INPP5D: variants seen among roughly 807,000 people sequenced by gnomAD.
The protein encoded by INPP5D is phosphatidylinositol 3,4,5-trisphosphate 5-phosphatase 1.
In INPP5D, 33 loss-of-function variants were observed where a neutral mutation model predicts 122.9. The ratio of observed to expected loss-of-function variants is 0.27; its 90% CI spans 0.20 to 0.36. INPP5D has a LOEUF of 0.36. Among genes scored for constraint, INPP5D ranks in the 10% least tolerant of loss-of-function variants. INPP5D has a pLI of 1.00. For synonymous variants in INPP5D, 584 were observed against 576.2 expected (o/e 1.01, Z -0.19); for missense variants, 1,053 against 1,412.7 (o/e 0.75, Z 4.08).
chr2:233,194,082 C>T (rs775761570), intron 23 of INPP5D, 121 bp downstream of exon 23: 653 of 1,404,322 alleles, frequency 4.6e-4, no homozygotes, highest in Non-Finnish European at 5.6e-4. Flanking sequence ...AGAAATCCAG[C>T]ACTGGAAAAG....
intron 22 of INPP5D, among the ~76,000 whole-genome samples, chr2:233,193,367 A>G (rs928097516): frequency 1.3e-5 from 2 of 152,150 alleles, no homozygotes; most frequent in Non-Finnish European, 2.9e-5. Context: ...TTATCTGTTC[A>G]TGCATCTGCT....
In INPP5D at chr2:233,198,315, C is replaced by T; in HGVS notation, c.2914C>T (p.Pro972Ser). 1.2e-6 allele frequency: 2 copies of T among 1,613,704 alleles called. No homozygotes were observed. Among genetic ancestry groups the T allele is most frequent in the Non-Finnish European group, 1.7e-6 (2 of 1,179,896 alleles). ...ACCTCCCGGCCAGCCGCCCATATCA[C>T]CCAAGAAGTTTTTACCCTCAACAGC... ...PTPPGQPPIS[P>S]KKFLPSTANR... The change falls in exon 25 of 27, where the codon CCC (proline) becomes TCC (serine). Residue 972 changes from proline to serine, a missense_variant. Physicochemically the swap from Pro to Ser is moderately conservative, Grantham distance 74 (BLOSUM62 -1). Around this residue, in one of 6 missense-constraint regions of INPP5D, gnomAD observed 417 missense variants for 425.8 expected, o/e 0.98. Coordinates refer to ENST00000445964, the MANE Select transcript of INPP5D (RefSeq NM_001017915.3).
At chr2:233,121,158 G>T (rs1692962888) in intron 2 of INPP5D, among the ~76,000 whole-genome samples, 1 of 136,244 alleles carries the variant, frequency 7.3e-6, no homozygotes, top group Admixed American at 8.0e-5. Context: ...TTGAGACAGG[G>T]TCTCACTCTG....
rs929603474 is a variant in INPP5D, at chr2:233,175,462, C to T, written c.1990-1803C>T. 6.6e-5 allele frequency among the ~76,000 whole-genome samples: 10 copies of T among 152,092 alleles called. No homozygotes were observed. In the South Asian group the frequency reaches 2.1e-3, roughly 32 times the overall value. On this transcript the variant is annotated intron_variant, in intron 17 of 26. Coordinates refer to ENST00000445964, the MANE Select transcript of INPP5D (RefSeq NM_001017915.3). ...AGATGTTAGTCACACTAATGCTCAC[C>T]TTTAGGAGGCTCTGGTATTGACAAG... is the stretch of plus-strand genomic sequence containing the variant.
chr2:233,150,547 C>T (rs1296289429), intron 9 of INPP5D, among the ~76,000 whole-genome samples: 3 of 152,052 alleles, frequency 2.0e-5, no homozygotes, highest in East Asian at 3.9e-4. Context: ...GAGATGGAAA[C>T]GTTAAGATGA....
chr2:233,107,882 G>A (rs1407691560), intron 2 of INPP5D, among the ~76,000 whole-genome samples: 1 of 152,106 alleles, frequency 6.6e-6, no homozygotes, highest in Non-Finnish European at 1.5e-5. Flanking sequence ...CTTCCCCAGC[G>A]CTGCCACGGC....
chr2:233,071,397 A>G (rs1574702264), intron 1 of INPP5D, among the ~76,000 whole-genome samples: 2 of 152,148 alleles, frequency 1.3e-5, no homozygotes, highest in Admixed American at 1.3e-4. Context: ...TTCCTCTTTT[A>G]TCATATTTTA....
At chr2:233,144,543 T>A (rs1275459938) in intron 6 of INPP5D, among the ~76,000 whole-genome samples, 1 of 114,544 alleles carries the variant, frequency 8.7e-6, no homozygotes, top group Non-Finnish European at 1.9e-5. Flanking sequence ...GTGGAGGTGG[T>A]GGTGGTGATG....
At chr2:233,088,902 G>T (rs1166198312) in intron 2 of INPP5D, among the ~76,000 whole-genome samples, 1 of 152,200 alleles carries the variant, frequency 6.6e-6, no homozygotes, top group Non-Finnish European at 1.5e-5. Flanking sequence ...AATCCTGACT[G>T]CCCGATCGGG....
intron 10 of INPP5D, among the ~76,000 whole-genome samples, chr2:233,159,224 T>A (rs1057055434): frequency 4.5e-4 from 69 of 152,350 alleles, no homozygotes; most frequent in African/African-American, 1.6e-3. Context: ...AGGCTGGGCC[T>A]CTGTGCCCCC....
At chr2:233,168,140 T>C (rs1438247724) in intron 13 of INPP5D, among the ~76,000 whole-genome samples, 1 of 152,182 alleles carries the variant, frequency 6.6e-6, no homozygotes, top group Non-Finnish European at 1.5e-5. Flanking sequence ...AATTTTCTAG[T>C]AGCCACATTA....
intron 6 of INPP5D, chr2:233,140,917 C>T (rs1210272505): frequency 6.6e-6 from 1 of 152,236 alleles, no homozygotes; most frequent in Non-Finnish European, 1.5e-5. Flanking sequence ...AGGCGGTTCA[C>T]TGAAGAGGGA....
At chr2:233,172,594 A>G (rs900600456) in intron 17 of INPP5D, among the ~76,000 whole-genome samples, 9 of 152,318 alleles carry the variant, frequency 5.9e-5, no homozygotes, top group African/African-American at 2.2e-4. Context: ...AAAAAAATAG[A>G]ACTTGTTTTC....
At chr2:233,118,695 G>C (rs1300203967) in intron 2 of INPP5D, among the ~76,000 whole-genome samples, 1 of 152,208 alleles carries the variant, frequency 6.6e-6, no homozygotes. Context: ...CCCTCAGGTG[G>C]GGTCTGTCCC....
rs1692438332 is a variant in INPP5D at position 233,105,379 on chromosome 2, C to A, written c.199-16728C>A. On this transcript the variant is annotated intron_variant, in intron 2 of 26. Coordinates refer to ENST00000445964, the MANE Select transcript of INPP5D (RefSeq NM_001017915.3). The surrounding 1 kb of genome is among the most constrained non-coding windows in gnomAD (Gnocchi z 4.0). ...TCTTTGCCCCACCACCTCCTATTCACCTGAAGTAGGAGCATCTCAGCTGCA... is the reference window on the plus strand; with the variant it reads ...TCTTTGCCCCACCACCTCCTATTCAACTGAAGTAGGAGCATCTCAGCTGCA... Among the ~76,000 whole-genome samples the A allele has an allele frequency of 6.6e-6, 1 of 152,218 alleles. No individual in the cohort carries two copies. The highest frequency in any genetic ancestry group is 2.1e-4 in the South Asian group (1 of 4,830).
rs370954433 is a variant in INPP5D at position 233,206,750 on chromosome 2, C to T, written c.*42C>T. ...CCACTGAGTCGGGAGCCCAGAGGAACGGCGTGAAGCCACTGGACCCTCTCC... is the reference window on the plus strand; with the variant it reads ...CCACTGAGTCGGGAGCCCAGAGGAATGGCGTGAAGCCACTGGACCCTCTCC... On this transcript the variant is annotated 3_prime_UTR_variant, in exon 27 of 27. Transcript: ENST00000445964. The surrounding 1 kb of genome is among the most constrained non-coding windows in gnomAD (Gnocchi z 4.0). The T allele has an allele frequency of 1.6e-5, 12 of 757,530 alleles. No individual in the cohort carries two copies. The highest frequency in any genetic ancestry group is 3.4e-5 in the African/African-American group (2 of 58,564). The allele number at this position is 757,530 out of a possible 1,614,324, so 46.9% of individuals were successfully genotyped here.
Position 233,130,565 on chromosome 2 carries a change from G to A in INPP5D, c.582G>A (p.Gln194=). The change falls in exon 5 of 27, where the codon CAG becomes CAA. Residue 194 remains glutamine, a synonymous_variant. Coordinates refer to ENST00000445964, the MANE Select transcript of INPP5D (RefSeq NM_001017915.3). ...IQDYLSTQLA[Q]DSEFVKTGSS... is the part of the protein sequence containing the mutation. ...ATTATTTAAGCACTCAGCTCGCCCA[G>A]GACTCTGAATTTGTGAAGACAGGGT... is the stretch of plus-strand genomic sequence containing the variant. 1 of 1,613,988 alleles carries A rather than the reference G, an allele frequency of 6.2e-7. No homozygotes were observed. The highest frequency in any genetic ancestry group is 1.3e-5 in the African/African-American group (1 of 75,050).
At chr2:233,106,250 G>A (rs553488064) in intron 2 of INPP5D, among the ~76,000 whole-genome samples, 6 of 152,306 alleles carry the variant, frequency 3.9e-5, no homozygotes, top group African/African-American at 1.2e-4. Context: ...GGCTAATCTA[G>A]TTGGGCTGTC....
intron 22 of INPP5D, among the ~76,000 whole-genome samples, chr2:233,190,987 C>T (rs539092663): frequency 5.3e-5 from 8 of 152,074 alleles, no homozygotes; most frequent in South Asian, 2.1e-4. Flanking sequence ...AGGAGAGAAG[C>T]GGATGACATT....
Sources: gnomAD v4.1 joint callset for allele counts (sites outside exome capture counted in the v4.1 genomes callset) on GRCh38, gnomAD v4.1.1 for gene constraint, gnomAD v4.1.1 regional missense constraint, Gnocchi (gnomAD v3.1) non-coding constraint, MANE v1.5 for transcripts, NCBI Gene and HGNC (gene_info 2026-07-23, HGNC 2026-07-21) for gene names.